Variants in TNRC6A observed in about 807,000 individuals in gnomAD.
TNRC6A encodes the protein trinucleotide repeat containing adaptor 6A, also known as trinucleotide repeat-containing gene 6A protein.
In TNRC6A, 44 loss-of-function variants were observed where a neutral mutation model predicts 221.2. The ratio of observed to expected loss-of-function variants is 0.20; its 90% confidence interval spans 0.16 to 0.26. The LOEUF (loss-of-function observed/expected upper bound fraction) is 0.26, where lower values mean the gene tolerates loss of function less well. Among genes scored for constraint, TNRC6A ranks in the 10% least tolerant of loss-of-function variants. The pLI is 1.00. For synonymous variants in TNRC6A, 847 were observed against 838.5 expected, an observed-to-expected ratio of 1.01 and a Z score of -0.18; for missense variants, 2,199 against 2,404.4, an observed-to-expected ratio of 0.91 and a Z score of 1.79.
At chr16:24,708,038 G>A (rs1465646137) in intron 2 of TNRC6A, among the ~76,000 whole-genome samples, 2 of 151,412 alleles carry the variant, frequency 1.3e-5, no homozygotes, top group African/African-American at 4.8e-5. Context: ...CAGCCTGGGT[G>A]ACAGAGTGAG....
intron 2 of TNRC6A, among the ~76,000 whole-genome samples, chr16:24,655,774 C>G (rs2054899153): frequency 6.6e-6 from 1 of 151,988 alleles, no homozygotes; most frequent in African/African-American, 2.4e-5. Flanking sequence ...TATTCTCAGT[C>G]TGAACGAACA....
At chr16:24,776,670 AAG>A (rs2057724314) in intron 4 of TNRC6A, 1 of 985,298 alleles carries the variant, frequency 1.0e-6, no homozygotes, top group African/African-American at 1.7e-5. Context: ...AATGTGGTAA[AAG>A]AGATAGTGAA....
chr16:24,804,750 A>G lies in TNRC6A; in HGVS notation c.3883A>G (p.Ser1295Gly). The change falls in exon 13 of 25, where the codon AGT becomes GGT. Residue 1295 changes from serine (S) to glycine (G), a missense_variant. By Grantham distance (56) the Ser-to-Gly change is moderately conservative (BLOSUM62 0). Transcript: ENST00000395799. ...ATCCCAAAACATGCAGTTTATGTCC[A>G]GTCAAAGCATGAAGCTTCCCCCTTC... Reference protein sequence around the residue: ...DESQNMQFMSSQSMKLPPSNS... With the variant: ...DESQNMQFMSGQSMKLPPSNS... 6.2e-7 allele frequency: 1 copy of G among 1,608,214 alleles called. No homozygotes were observed. Among genetic ancestry groups the G allele is most frequent in the Non-Finnish European group, 8.5e-7 (1 of 1,178,846 alleles).
At chr16:24,713,455 A>AAAAAT (rs1567380195) in intron 2 of TNRC6A, among the ~76,000 whole-genome samples, 9 of 91,940 alleles carry the variant, frequency 9.8e-5, no homozygotes, top group Non-Finnish European at 1.3e-4. Context: ...CAAACAAAAA[A>AAAAAT]ATATATATAT....
At chr16:24,811,850 T>A (rs1165353683) in intron 18 of TNRC6A, among the ~76,000 whole-genome samples, 1 of 151,930 alleles carries the variant, frequency 6.6e-6, no homozygotes, top group African/African-American at 2.4e-5. Flanking sequence ...GAATTTTACT[T>A]TGAAAGTTTA....
chr16:24,710,879 AT>A (rs545753446), intron 2 of TNRC6A, among the ~76,000 whole-genome samples: 14,274 of 139,330 alleles, frequency 0.1, 826 homozygotes, highest in Middle Eastern at 0.17. Flanking sequence ...TGCCCGGCTA[AT>A]TTTTTTTTTT....
At chr16:24,781,836 T>C (rs5000860) in intron 5 of TNRC6A, among the ~76,000 whole-genome samples, 36,367 of 151,716 alleles carry the variant, frequency 0.24, 4,898 homozygotes, top group Non-Finnish European at 0.31. Context: ...TCTTTTTTTT[T>C]TTTTTTGAGA....
rs142941291 is a variant in TNRC6A at position 24,816,878 on chromosome 16, G to A, written c.4894G>A (p.Val1632Ile). 4.8e-5 allele frequency: 77 copies of A among 1,613,978 alleles called. No homozygotes were observed. The highest frequency in any genetic ancestry group is 6.1e-5 in the Non-Finnish European group (72 of 1,180,022). The part of the protein sequence containing the change: ...PNIDPETDPY[V>I]TPGSVINNLS... The stretch of plus-strand genomic sequence containing the variant: ...CATTGACCCTGAAACTGACCCTTAC[G>A]TCACTCCTGGCAGTGTCATAAACAA... The change falls in exon 20 of 25, where the codon GTC (valine) becomes ATC (isoleucine). Residue 1632 changes from valine (V) to isoleucine (I), a missense_variant. By Grantham distance (29) the Val-to-Ile change is conservative (BLOSUM62 3). Around this residue, in one of 8 missense-constraint regions of TNRC6A, gnomAD observed 449 missense variants for 579.7 expected, o/e 0.77. Transcript: ENST00000395799.
intron 5 of TNRC6A, 107 bp downstream of exon 5, chr16:24,777,465 T>TG (rs2057750606): frequency 9.2e-7 from 1 of 1,086,508 alleles, no homozygotes; most frequent in African/African-American, 1.6e-5. Context: ...CATCAGTATG[T>TG]GGGCTTTAAT....
intron 2 of TNRC6A, among the ~76,000 whole-genome samples, chr16:24,653,469 A>C (rs781047676): frequency 2.7e-4 from 41 of 152,180 alleles, no homozygotes; most frequent in Non-Finnish European, 5.1e-4. Flanking sequence ...GAGTAATACT[A>C]ATTTTAAAAA....
intron 2 of TNRC6A, among the ~76,000 whole-genome samples, chr16:24,721,308 AC>A (rs2151090759): frequency 6.6e-6 from 1 of 152,362 alleles, no homozygotes; most frequent in East Asian, 1.9e-4. Context: ...ATAGACTTGT[AC>A]AAAAACTGTT....
At chr16:24,821,768 G>C (rs1158442068) in intron 22 of TNRC6A, 1 of 386,428 alleles carries the variant, frequency 2.6e-6, no homozygotes, top group Non-Finnish European at 4.7e-6. Flanking sequence ...GGTACCGTTT[G>C]AGATTATTTT....
intron 4 of TNRC6A, among the ~76,000 whole-genome samples, chr16:24,764,076 A>C (rs908278400): frequency 6.6e-6 from 1 of 151,944 alleles, no homozygotes; most frequent in Non-Finnish European, 1.5e-5. Context: ...CATACGTGCA[A>C]CTTTGTACCC....
upstream of TNRC6A, among the ~76,000 whole-genome samples, chr16:24,729,094 C>A (rs925954803): frequency 2.0e-5 from 3 of 151,910 alleles, no homozygotes; most frequent in Admixed American, 2.0e-4. Flanking sequence ...TCCGTGCAGG[C>A]GGAACTGCTG....
intron 2 of TNRC6A, among the ~76,000 whole-genome samples, chr16:24,714,370 G>A (rs566142246): frequency 6.5e-5 from 9 of 139,522 alleles, no homozygotes; most frequent in East Asian, 2.2e-4. Context: ...GTGCAGTGGC[G>A]CAGTCTTGAC....
chr16:24,614,306 T>C (rs1262112159), intron 1 of TNRC6A, among the ~76,000 whole-genome samples: 5 of 152,176 alleles, frequency 3.3e-5, no homozygotes, highest in Non-Finnish European at 7.3e-5. Context: ...AGTTACGTAG[T>C]CAAGCCCAGA....
At chr16:24,612,867 G>T (rs1052470819) in intron 1 of TNRC6A, among the ~76,000 whole-genome samples, 10 of 152,118 alleles carry the variant, frequency 6.6e-5, no homozygotes, top group African/African-American at 2.4e-4. Context: ...AGTGGGGAAG[G>T]CAGCTATTAA....
At position 24,823,512 on chromosome 16, in the gene TNRC6A, C is replaced by T. The variant is rs371861223; in HGVS notation, c.5594C>T (p.Ser1865Phe). The change falls in exon 25 of 25, where the codon TCT becomes TTT. Residue 1865 changes from serine (S) to phenylalanine (F), a missense_variant. Transcript: ENST00000395799. The surrounding 1 kb of genome is among the most constrained non-coding windows in gnomAD (Gnocchi z 4.3). ...EISRFFAQSQSLTPSPGWQSL... is the reference protein window; with the variant it reads ...EISRFFAQSQFLTPSPGWQSL... ...AGTCGTTTCTTTGCACAAAGCCAGT[C>T]TCTGACCCCTTCTCCCGGCTGGCAG... is the stretch of plus-strand genomic sequence containing the variant. 8.1e-6 allele frequency: 13 copies of T among 1,614,054 alleles called. No individual in the cohort carries two copies. The African/African-American group carries it at 1.3e-4, about 17-fold the overall frequency.
At chr16:24,797,154 A>G (rs150720605) in intron 9 of TNRC6A, among the ~76,000 whole-genome samples, 208 of 152,294 alleles carry the variant, frequency 1.4e-3, no homozygotes, top group African/African-American at 4.8e-3. Context: ...CCAGAAATCT[A>G]AATTATAACT....
Sources: allele counts gnomAD v4.1 joint callset (sites outside exome capture counted in the v4.1 genomes callset), GRCh38; gene constraint gnomAD v4.1.1; regional missense constraint gnomAD v4.1.1; non-coding constraint Gnocchi (gnomAD v3.1); transcripts MANE v1.5; gene names NCBI Gene and HGNC (gene_info 2026-07-23, HGNC 2026-07-21).